Variants in FRY observed in about 807,000 individuals in gnomAD.
The protein encoded by FRY is protein furry homolog.
FRY carries 128 observed loss-of-function variants against 348.4 expected under a neutral mutation model. The observed-to-expected ratio is 0.37, with a 90% CI of 0.32 to 0.43. FRY has a LOEUF of 0.43. FRY is among the 20% of genes least tolerant of loss of function. The probability of loss-of-function intolerance (pLI) is 1.00; values close to 1 mark genes in which losing one functional copy is unlikely to be tolerated. For synonymous variants in FRY, 1,370 were observed against 1,374.7 expected, an observed-to-expected ratio of 1.00 and a Z score of 0.08; for missense variants, 2,736 against 3,695.2, an observed-to-expected ratio of 0.74 and a Z score of 6.73.
Position 32,297,342 on chromosome 13 carries a change from A to G in FRY, c.*1882A>G, listed in dbSNP as rs913056966. On this transcript the variant is annotated 3_prime_UTR_variant, in exon 61 of 61. Coordinates refer to ENST00000542859, the MANE Select transcript of FRY (RefSeq NM_023037.3). Reference sequence around the variant, plus strand: ...CTGAATCATGATCTCTCTGAAAAATATCATAAAATAAAGGTTTCTGTGGCT... The same window carrying G: ...CTGAATCATGATCTCTCTGAAAAATGTCATAAAATAAAGGTTTCTGTGGCT... 8 of 152,008 alleles carry G rather than the reference A, an allele frequency of 5.3e-5. No individual in the cohort carries two copies. In the East Asian group the frequency reaches 1.5e-3, roughly 29 times the overall value. The allele number at this position is 152,008 out of a possible 1,614,324, so 9.4% of individuals were successfully genotyped here.
Position 32,171,199 on chromosome 13 carries a change from AC to A in FRY, c.2083del (p.Gln695SerfsTer4). On this transcript the variant is annotated frameshift_variant, in exon 18 of 61. Coordinates refer to ENST00000542859, the MANE Select transcript of FRY (RefSeq NM_023037.3). LOFTEE classifies it high-confidence loss of function. ...CCTGAAGTTGCTGCTGCAGCTGCTC[AC>A]CCAGTGGAAACTAGTCATCCAGACA... ...SSLKLLLQLL[T>X]QWKLVIQTQG... 6.2e-7 allele frequency: 1 copy of A among 1,612,942 alleles called. No homozygotes were observed. Among genetic ancestry groups the A allele is most frequent in the South Asian group, 1.1e-5 (1 of 91,062 alleles).
At position 32,136,039 on chromosome 13, in the gene FRY, T is replaced by TAAA. The variant is rs138896602; in HGVS notation, c.1078-825_1078-823dup. Among the ~76,000 whole-genome samples, 51 of 151,148 alleles carry TAAA rather than the reference T, an allele frequency of 3.4e-4. 1 individual carries two copies. In the South Asian group the frequency reaches 6.8e-3, roughly 20 times the overall value. ...AAGTCCCTTTAAAACTAAGTTAATTTAAAAAAAAACGACTAATGAACTGTT... is the reference window on the plus strand; with the variant it reads ...AAGTCCCTTTAAAACTAAGTTAATTTAAAAAAAAAAAACGACTAATGAACTGTT... On this transcript the variant is annotated intron_variant, in intron 10 of 60. Coordinates refer to ENST00000542859, the MANE Select transcript of FRY (RefSeq NM_023037.3).
At chr13:32,215,739 T>C (rs543339074) in intron 35 of FRY, among the ~76,000 whole-genome samples, 6 of 152,246 alleles carry the variant, frequency 3.9e-5, no homozygotes, top group African/African-American at 1.4e-4. Flanking sequence ...CTAGCTCATT[T>C]TTTTATTTCT....
rs1317007395 is a variant in FRY, at chr13:32,210,988, C to T, written c.4545C>T (p.Pro1515=). 2 of 1,613,910 alleles carry T rather than the reference C, an allele frequency of 1.2e-6. No individual in the cohort carries two copies. The highest frequency in any genetic ancestry group is 2.7e-5 in the African/African-American group (2 of 74,934). The part of the protein sequence containing the change: ...NPIVQHCDNP[P]FYRFTASSKA... ...TCGTCCAGCATTGTGACAACCCGCC[C>T]TTCTACCGCTTCACGGCCAGTAGCA... The change falls in exon 34 of 61, where the codon CCC becomes CCT. Residue 1515 remains proline (P), a synonymous_variant. Transcript: ENST00000542859.
chr13:32,140,322 A>C (rs9590784), intron 11 of FRY, among the ~76,000 whole-genome samples: 10,917 of 152,250 alleles, frequency 0.072, 1,048 homozygotes, highest in African/African-American at 0.21. Context: ...GCAATACTGC[A>C]TCTGAAGGTT....
intron 3 of FRY, among the ~76,000 whole-genome samples, chr13:32,102,561 G>A (rs1457455071): frequency 6.6e-6 from 1 of 152,166 alleles, no homozygotes; most frequent in Non-Finnish European, 1.5e-5. Flanking sequence ...TAGGATCTTA[G>A]ATTCTAATAG....
Position 32,124,872 on chromosome 13 carries a change from C to G in FRY, c.713C>G (p.Ala238Gly). The change falls in exon 7 of 61, where the codon GCC becomes GGC. Residue 238 changes from alanine (A) to glycine (G), a missense_variant. By Grantham distance (60) the Ala-to-Gly change is moderately conservative (BLOSUM62 0). This residue lies in a region of FRY where 309 missense variants were observed against 418.1 expected (regional missense o/e 0.74). Transcript: ENST00000542859. ...YAEVIGVLAQAKFPAVKKKFM... is the reference protein window; with the variant it reads ...YAEVIGVLAQGKFPAVKKKFM... ...GAAGTCATTGGAGTGTTGGCACAAGCCAAGTAAGTGAATGCCAGAACCCTT... is the reference window on the plus strand; with the variant it reads ...GAAGTCATTGGAGTGTTGGCACAAGGCAAGTAAGTGAATGCCAGAACCCTT... 6.2e-7 allele frequency: 1 copy of G among 1,604,748 alleles called. No individual in the cohort carries two copies. Among genetic ancestry groups the G allele is most frequent in the Non-Finnish European group, 8.5e-7 (1 of 1,171,430 alleles).
chr13:32,067,103 A>T (rs1874302711), intron 1 of FRY, among the ~76,000 whole-genome samples: 1 of 152,162 alleles, frequency 6.6e-6, no homozygotes, highest in South Asian at 2.1e-4. Context: ...AAGACCAAGG[A>T]TGTGTGGTAG....
In FRY at chr13:32,210,310, C is replaced by T. The variant is rs559251592; in HGVS notation, c.4423-556C>T. ...ATTTCTGTGCTGGTTGTTTTTGTGA[C>T]AGGTTTATGTCTTCCTGCTGCCTTG... is the stretch of plus-strand genomic sequence containing the variant. On this transcript the variant is annotated intron_variant, in intron 33 of 60. Transcript: ENST00000542859. 7.2e-5 allele frequency among the ~76,000 whole-genome samples: 11 copies of T among 152,314 alleles called. No homozygotes were observed. The South Asian group carries it at 2.3e-3, about 32-fold the overall frequency.
chr13:32,273,568 G>A (rs928142902), intron 55 of FRY, among the ~76,000 whole-genome samples: 1 of 152,166 alleles, frequency 6.6e-6, no homozygotes. Flanking sequence ...GAGGATTAAT[G>A]AGTGATGTAC....
intron 1 of FRY, among the ~76,000 whole-genome samples, chr13:32,068,955 G>C (rs111236561): frequency 6.8e-5 from 8 of 117,482 alleles, no homozygotes; most frequent in Non-Finnish European, 1.3e-4. Context: ...TCGCTCTGTC[G>C]CCCAGGCTGG....
At chr13:32,191,787 C>G (rs1169348075) in intron 28 of FRY, among the ~76,000 whole-genome samples, 1 of 152,106 alleles carries the variant, frequency 6.6e-6, no homozygotes, top group Non-Finnish European at 1.5e-5. Flanking sequence ...GAGCACTAAT[C>G]TCATTCACAG....
chr13:32,143,218 A>T (rs1004101929), intron 11 of FRY, among the ~76,000 whole-genome samples: 2 of 152,226 alleles, frequency 1.3e-5, no homozygotes, highest in Non-Finnish European at 2.9e-5. Context: ...GCAGGAAAGT[A>T]AAAAAACATG....
In FRY at chr13:32,294,518, T is replaced by G. The variant is rs746764041; in HGVS notation, c.8731T>G (p.Cys2911Gly). 5 of 1,613,916 alleles carry G rather than the reference T, an allele frequency of 3.1e-6. No homozygotes were observed. Among genetic ancestry groups the G allele is most frequent in the Non-Finnish European group, 2.5e-6 (3 of 1,179,972 alleles). Reference protein sequence around the residue: ...TEAAIQSMLECLKNNELGKAL... With the variant: ...TEAAIQSMLEGLKNNELGKAL... ...AGCAGCCATCCAGTCCATGCTGGAGTGCCTGAAGAACAACGAACTCGGCAA... is the reference window on the plus strand; with the variant it reads ...AGCAGCCATCCAGTCCATGCTGGAGGGCCTGAAGAACAACGAACTCGGCAA... Residue 2911 changes from cysteine to glycine, a missense_variant, in exon 60 of 61, where the codon TGC becomes GGC. Transcript: ENST00000542859.
chr13:32,035,096 G>A (rs79992169), intron 1 of FRY, among the ~76,000 whole-genome samples: 3,236 of 152,248 alleles, frequency 0.021, 115 homozygotes, highest in African/African-American at 0.074. Flanking sequence ...CATTGTAAAT[G>A]CCCAATAAGC....
At position 32,078,818 on chromosome 13, in the gene FRY, C is replaced by T. The variant is rs989405598; in HGVS notation, c.71-16C>T. The T allele has an allele frequency of 6.3e-7, 1 of 1,596,934 alleles. No individual in the cohort carries two copies. Among genetic ancestry groups the T allele is most frequent in the Admixed American group, 1.7e-5 (1 of 59,944 alleles). ...CATTATTATCAGCCAGTAAGAATGCCCATTCTGTTTTTCAGCTTCTCCCGT... is the reference window on the plus strand; with the variant it reads ...CATTATTATCAGCCAGTAAGAATGCTCATTCTGTTTTTCAGCTTCTCCCGT... On this transcript the variant is annotated splice_polypyrimidine_tract_variant and intron_variant, in intron 1 of 60. Coordinates refer to ENST00000542859, the MANE Select transcript of FRY (RefSeq NM_023037.3).
intron 1 of FRY, among the ~76,000 whole-genome samples, chr13:32,071,594 C>T (rs1874661786): frequency 6.6e-6 from 1 of 152,146 alleles, no homozygotes; most frequent in African/African-American, 2.4e-5. Context: ...AGTTGCTTAT[C>T]ATCTTAAGGA....
In FRY at chr13:32,147,333, C is replaced by T; in HGVS notation, c.1231C>T (p.Leu411Phe). 2 of 1,613,068 alleles carry T rather than the reference C, an allele frequency of 1.2e-6. No individual in the cohort carries two copies. Among genetic ancestry groups the T allele is most frequent in the South Asian group, 1.1e-5 (1 of 91,056 alleles). Reference sequence around the variant, plus strand: ...TGCACTGGAATCTCTCTACAGATTACTTTGGGTTTACATGATTCGAATTAA... The same window carrying T: ...TGCACTGGAATCTCTCTACAGATTATTTTGGGTTTACATGATTCGAATTAA... ...RVALESLYRL[L>F]WVYMIRIKCE... Residue 411 changes from leucine (L) to phenylalanine (F), a missense_variant, in exon 12 of 61, where the codon CTT becomes TTT. Physicochemically the swap from Leu to Phe is conservative, Grantham distance 22. Transcript: ENST00000542859.
At chr13:32,160,521 T>C (rs550858327) in intron 16 of FRY, among the ~76,000 whole-genome samples, 16 of 152,334 alleles carry the variant, frequency 1.1e-4, no homozygotes, top group African/African-American at 3.6e-4. Flanking sequence ...TCATTAAACA[T>C]TCATATTCTC....
Sources: allele counts gnomAD v4.1 joint callset (sites outside exome capture counted in the v4.1 genomes callset), GRCh38; gene constraint gnomAD v4.1.1; regional missense constraint gnomAD v4.1.1; transcripts MANE v1.5; gene names NCBI Gene and HGNC (gene_info 2026-07-23, HGNC 2026-07-21).